WWOX: variants seen among roughly 807,000 people sequenced by gnomAD.
WWOX encodes WW domain-containing oxidoreductase.
Under a neutral mutation model 46.2 loss-of-function variants are expected in WWOX, and 69 were observed. The observed-to-expected ratio is 1.49, with a 90% CI of 1.23 to 1.82. The LOEUF (loss-of-function observed/expected upper bound fraction) is 1.82, where lower values mean the gene tolerates loss of function less well. Among genes scored for constraint, WWOX ranks in the 40% most tolerant of loss-of-function variants. WWOX has a pLI of 0.00. For synonymous variants in WWOX, 359 were observed against 202.6 expected, an observed-to-expected ratio of 1.77 and a Z score of -6.56; for missense variants, 919 against 542.6, an observed-to-expected ratio of 1.69 and a Z score of -6.89.
At chr16:79,066,237 G>A (rs534034925) in intron 8 of WWOX, among the ~76,000 whole-genome samples, 1 of 152,174 alleles carries the variant, frequency 6.6e-6, no homozygotes, top group South Asian at 2.1e-4. Flanking sequence ...CCTCCCTTAA[G>A]CCCACCTTCC....
At chr16:79,202,521 C>A (rs893531409) in intron 8 of WWOX, 2 of 152,212 alleles carry the variant, frequency 1.3e-5, no homozygotes, top group African/African-American at 4.8e-5. Context: ...ACTGTTGTTC[C>A]CGGGCCTGTG....
At chr16:78,742,703 G>T (rs1391374686) in intron 8 of WWOX, among the ~76,000 whole-genome samples, 2 of 152,306 alleles carry the variant, frequency 1.3e-5, no homozygotes, top group African/African-American at 4.8e-5. Context: ...TGCGGTTTCA[G>T]TTCACATGGG....
chr16:79,013,237 C>G (rs1473069703), intron 8 of WWOX, among the ~76,000 whole-genome samples: 2 of 152,122 alleles, frequency 1.3e-5, no homozygotes, highest in African/African-American at 4.8e-5. Context: ...TGCATCCTCC[C>G]ACAGGGTCGA....
intron 8 of WWOX, among the ~76,000 whole-genome samples, chr16:78,691,524 A>C (rs1304706313): frequency 6.6e-6 from 1 of 152,136 alleles, no homozygotes; most frequent in East Asian, 1.9e-4. Context: ...CTGGGCAACA[A>C]CGTGAGATCC....
intron 8 of WWOX, among the ~76,000 whole-genome samples, chr16:78,961,245 A>G (rs2151312246): frequency 6.6e-6 from 1 of 152,306 alleles, no homozygotes; most frequent in South Asian, 2.1e-4. Context: ...AAATGAGGGA[A>G]ATTACTGTAA....
At chr16:78,977,071 C>G (rs951747575) in intron 8 of WWOX, among the ~76,000 whole-genome samples, 1 of 152,200 alleles carries the variant, frequency 6.6e-6, no homozygotes, top group Admixed American at 6.5e-5. Context: ...CACGTCAACA[C>G]AGGAACCTTT....
At chr16:78,479,794 A>G (rs995325443) in intron 8 of WWOX, among the ~76,000 whole-genome samples, 1 of 152,192 alleles carries the variant, frequency 6.6e-6, no homozygotes, top group Non-Finnish European at 1.5e-5. Context: ...TTTCCAAGAT[A>G]AGATTCAAGA....
intron 8 of WWOX, among the ~76,000 whole-genome samples, chr16:79,150,537 G>T (rs988070913): frequency 6.6e-6 from 1 of 152,150 alleles, no homozygotes; most frequent in African/African-American, 2.4e-5. Flanking sequence ...ATCTCTAAGG[G>T]GCAGCCATTA....
chr16:78,779,534 A>G (rs191859504), intron 8 of WWOX, among the ~76,000 whole-genome samples: 1 of 152,194 alleles, frequency 6.6e-6, no homozygotes, highest in South Asian at 2.1e-4. Flanking sequence ...CACTCTGTCC[A>G]AGGCATTGTG....
chr16:78,825,011 C>T (rs981283076), intron 8 of WWOX, among the ~76,000 whole-genome samples: 4 of 152,152 alleles, frequency 2.6e-5, no homozygotes, highest in African/African-American at 9.7e-5. Flanking sequence ...ACAAAGTGCT[C>T]TGTGGTTTCT....
In WWOX at chr16:78,595,062, C is replaced by T. The variant is rs186430321; in HGVS notation, c.1056+162310C>T. Among the ~76,000 whole-genome samples the T allele has an allele frequency of 5.3e-5, 8 of 152,272 alleles. No homozygotes were observed. In the East Asian group the frequency reaches 1.5e-3, roughly 29 times the overall value. On this transcript the variant is annotated intron_variant, in intron 8 of 8. Transcript: ENST00000566780. ...AGCACTTTGTCAAGAGGCTTGGGGA[C>T]CCCAGGGTGGAAGCTGCCATGCGCA... is the stretch of plus-strand genomic sequence containing the variant.
At chr16:79,034,676 T>G (rs990631471) in intron 8 of WWOX, among the ~76,000 whole-genome samples, 9 of 152,256 alleles carry the variant, frequency 5.9e-5, no homozygotes, top group East Asian at 1.9e-4. Context: ...TCATTTTCCT[T>G]TCTTTTTTTT....
At chr16:78,256,149 C>CAAA (rs10557567) in intron 5 of WWOX, among the ~76,000 whole-genome samples, 25 of 65,456 alleles carry the variant, frequency 3.8e-4, no homozygotes, top group Non-Finnish European at 5.6e-4. Flanking sequence ...GACTCCATCT[C>CAAA]AAAAAAAAAA....
intron 1 of WWOX, chr16:78,100,249 G>A (rs968998479): frequency 8.9e-7 from 1 of 1,117,792 alleles, no homozygotes; most frequent in African/African-American, 1.7e-5. Context: ...TAGGAGTTTT[G>A]TTGTGTTTTG....
chr16:79,101,925 A>G (rs1002919982), intron 8 of WWOX, among the ~76,000 whole-genome samples: 4 of 150,850 alleles, frequency 2.7e-5, no homozygotes, highest in Admixed American at 2.6e-4. Flanking sequence ...TAGGAGATCC[A>G]TGAGATCCAA....
In WWOX at chr16:79,212,277, A is replaced by G. The variant is rs2051790780; in HGVS notation, c.*481A>G. ...GATAATTGTTTCATTCATCCTGACC[A>G]AGACTGAGCCAGCTTAGCAACTGCT... On this transcript the variant is annotated 3_prime_UTR_variant, in exon 9 of 9. Transcript: ENST00000566780. The G allele has an allele frequency of 3.3e-6, 4 of 1,200,398 alleles. No homozygotes were observed. Among genetic ancestry groups the G allele is most frequent in the Non-Finnish European group, 3.4e-6 (3 of 888,528 alleles). The allele number at this position is 1,200,398 out of a possible 1,614,324, so 74.4% of individuals were successfully genotyped here. A position where few individuals can be genotyped will look rare whatever the true frequency, so the allele number is the denominator to read the frequency against.
At chr16:78,976,328 T>C (rs954939172) in intron 8 of WWOX, among the ~76,000 whole-genome samples, 2 of 152,234 alleles carry the variant, frequency 1.3e-5, no homozygotes, top group Admixed American at 1.3e-4. Context: ...TGAGAACCGA[T>C]GAAGCTGCTT....
intron 8 of WWOX, among the ~76,000 whole-genome samples, chr16:78,698,905 G>C (rs2048155200): frequency 1.3e-5 from 2 of 152,154 alleles, no homozygotes; most frequent in South Asian, 4.1e-4. Flanking sequence ...TATAAATGTA[G>C]TATTTCAACT....
At chr16:78,429,784 T>C (rs7193617) in intron 7 of WWOX, among the ~76,000 whole-genome samples, 3 of 152,094 alleles carry the variant, frequency 2.0e-5, no homozygotes, top group African/African-American at 2.4e-5. Flanking sequence ...CAATTCGATA[T>C]GATAGCTTTA....
Sources: allele counts gnomAD v4.1 joint callset (sites outside exome capture counted in the v4.1 genomes callset), GRCh38; gene constraint gnomAD v4.1.1; transcripts MANE v1.5; gene names NCBI Gene and HGNC (gene_info 2026-07-23, HGNC 2026-07-21).